KDM2A: variants seen among roughly 807,000 people sequenced by gnomAD.
The protein encoded by KDM2A is lysine demethylase 2A.
KDM2A carries 3 observed loss-of-function variants against 137.3 expected under a neutral mutation model. That is an observed-to-expected ratio of 0.02 (90% CI 0.01 to 0.06). The LOEUF (loss-of-function observed/expected upper bound fraction) is 0.06. KDM2A is among the 10% of genes least tolerant of loss of function. The pLI, the probability that KDM2A is intolerant of heterozygous loss-of-function variation, is 1.00. For synonymous variants in KDM2A, 512 were observed against 541.5 expected, an observed-to-expected ratio of 0.95 and a Z score of 0.76; for missense variants, 738 against 1,510.6, an observed-to-expected ratio of 0.49 and a Z score of 8.48.
chr11:67,257,238 A>ATGTT lies in KDM2A; in HGVS notation c.*2189_*2192dup, dbSNP rs1859642468. 1.3e-5 allele frequency: 2 copies of ATGTT among 152,300 alleles called. No individual in the cohort carries two copies. The highest frequency in any genetic ancestry group is 4.8e-5 in the African/African-American group (2 of 41,368). 9.4% of individuals were successfully genotyped at this position (152,300 alleles called of 1,614,324 possible). A position where few individuals can be genotyped will look rare whatever the true frequency, so the allele number is the denominator to read the frequency against. ...TGGTTTCTTTTGGGTTTTGGTTTTTATGTTTGTTTTTTGGGGTTTGGAAAA... is the reference window on the plus strand; with the variant it reads ...TGGTTTCTTTTGGGTTTTGGTTTTTATGTTTGTTTGTTTTTTGGGGTTTGGAAAA... On this transcript the variant is annotated 3_prime_UTR_variant, in exon 21 of 21. Transcript: ENST00000529006.
At chr11:67,231,280 A>G (rs1049286181) in intron 11 of KDM2A, among the ~76,000 whole-genome samples, 1 of 152,160 alleles carries the variant, frequency 6.6e-6, no homozygotes, top group Non-Finnish European at 1.5e-5. Flanking sequence ...CCACTTTGAT[A>G]AGTAACTGAT....
chr11:67,207,770 A>T (rs1857852438), intron 6 of KDM2A, 82 bp downstream of exon 6: 1 of 1,189,510 alleles, frequency 8.4e-7, no homozygotes, highest in East Asian at 2.7e-5. Context: ...GATGCTTGTT[A>T]TCCCAGCACT....
Position 67,254,911 on chromosome 11 carries a change from A to G in KDM2A, c.3345A>G (p.Leu1115=), listed in dbSNP as rs763884921. 8 of 1,614,008 alleles carry G rather than the reference A, an allele frequency of 5.0e-6. No homozygotes were observed. The highest frequency in any genetic ancestry group is 1.6e-4 in the Middle Eastern group (1 of 6,062). ...TGACAGACCAGACCCTGATCTACCT[A>G]CGGCGCATTGCCAACGTCACCTTGA... The part of the protein sequence containing the change: ...NKLTDQTLIY[L]RRIANVTLID... The change falls in exon 21 of 21, where the codon CTA becomes CTG. Residue 1115 remains leucine (L), a synonymous_variant. Transcript: ENST00000529006. The surrounding 1 kb of genome is among the most constrained non-coding windows in gnomAD (Gnocchi z 4.7).
chr11:67,228,108 C>T lies in KDM2A; in HGVS notation c.1029C>T (p.Cys343=). The change falls in exon 11 of 21, where the codon TGC becomes TGT. Residue 343 remains cysteine (C), a synonymous_variant. Coordinates refer to ENST00000529006, the MANE Select transcript of KDM2A (RefSeq NM_012308.3). The stretch of plus-strand genomic sequence containing the variant: ...ATGTGTTGGAGCGCTATGTGTACTG[C>T]ATAACCAACCGTTCCCACCTAACTA... ...CWYVLERYVY[C]ITNRSHLTKE... The T allele has an allele frequency of 6.2e-7, 1 of 1,613,166 alleles. No homozygotes were observed. The highest frequency in any genetic ancestry group is 8.5e-7 in the Non-Finnish European group (1 of 1,179,172).
At chr11:67,215,590 A>G (rs1858136274) in intron 7 of KDM2A, 144 bp downstream of exon 7, 2 of 651,318 alleles carry the variant, frequency 3.1e-6, no homozygotes, top group Non-Finnish European at 2.7e-6. Flanking sequence ...TTACAGTTCC[A>G]CAAGGAAGAG....
chr11:67,130,498 T>C (rs1855828919), intron 2 of KDM2A, among the ~76,000 whole-genome samples: 1 of 152,228 alleles, frequency 6.6e-6, no homozygotes, highest in African/African-American at 2.4e-5. Context: ...TTTGCTGACC[T>C]TTAGACAGCC....
intron 5 of KDM2A, chr11:67,195,818 T>C (rs1037959181): frequency 5.0e-6 from 1 of 199,964 alleles, no homozygotes; most frequent in African/African-American, 2.4e-5. Context: ...TTGTTAATAT[T>C]GCCTGTGTAT....
At chr11:67,217,704 A>G (rs1162574493) in intron 8 of KDM2A, 27 bp from the exon 9 acceptor site, 1 of 1,611,354 alleles carries the variant, frequency 6.2e-7, no homozygotes, top group Admixed American at 1.7e-5. Flanking sequence ...AATGGCTGTT[A>G]ACAGACTAAA....
At chr11:67,166,255 G>C (rs919262670) in intron 2 of KDM2A, among the ~76,000 whole-genome samples, 1 of 150,418 alleles carries the variant, frequency 6.6e-6, no homozygotes, top group Non-Finnish European at 1.5e-5. Flanking sequence ...TGTGATCTCG[G>C]CTCACTGTAA....
At chr11:67,246,769 T>C (rs896519588) in intron 15 of KDM2A, among the ~76,000 whole-genome samples, 1 of 151,864 alleles carries the variant, frequency 6.6e-6, no homozygotes, top group East Asian at 1.9e-4. Flanking sequence ...AATAAGACAC[T>C]GTCATTCATG....
At position 67,193,641 on chromosome 11, in the gene KDM2A, A is replaced by G. The variant is rs1459016655; in HGVS notation, c.307+11749A>G. On this transcript the variant is annotated intron_variant, in intron 5 of 20. Transcript: ENST00000529006. ...TTTGGGAGGCTGAGGCAGACAGATCACCTGAGGTCGGGAGTTCGAGACCAG... is the reference window on the plus strand; with the variant it reads ...TTTGGGAGGCTGAGGCAGACAGATCGCCTGAGGTCGGGAGTTCGAGACCAG... 3.3e-5 allele frequency among the ~76,000 whole-genome samples: 5 copies of G among 151,920 alleles called. No homozygotes were observed. In the East Asian group the frequency reaches 7.7e-4, roughly 23 times the overall value.
chr11:67,138,237 A>G (rs1231151170), intron 2 of KDM2A, among the ~76,000 whole-genome samples: 1 of 152,222 alleles, frequency 6.6e-6, no homozygotes, highest in Non-Finnish European at 1.5e-5. Context: ...AATATGCTTT[A>G]TTCAGGTGCT....
At chr11:67,179,529 C>T (rs1479755317) in intron 2 of KDM2A, among the ~76,000 whole-genome samples, 1 of 152,210 alleles carries the variant, frequency 6.6e-6, no homozygotes, top group African/African-American at 2.4e-5. Context: ...ATCCGCCTGC[C>T]TCTGCTTCCC....
intron 6 of KDM2A, among the ~76,000 whole-genome samples, chr11:67,208,353 G>A (rs1227375576): frequency 2.0e-5 from 3 of 151,764 alleles, no homozygotes; most frequent in East Asian, 1.9e-4. Context: ...GATTACAGGC[G>A]TGAGCCACCG....
chr11:67,227,104 T>A (rs765286331), intron 10 of KDM2A, among the ~76,000 whole-genome samples: 30 of 152,198 alleles, frequency 2.0e-4, no homozygotes, highest in Admixed American at 3.9e-4. Context: ...GAAATAATAA[T>A]GAAAATGCTC....
Position 67,156,957 on chromosome 11 carries a change from TGTG to T in KDM2A, c.43-23119_43-23117del, listed in dbSNP as rs578160660. On this transcript the variant is annotated intron_variant, in intron 2 of 20. Coordinates refer to ENST00000529006, the MANE Select transcript of KDM2A (RefSeq NM_012308.3). Reference sequence around the variant, plus strand: ...ACTCGTGCTCATTCATTTAACATGTTGTGGTAGAGGCTGTATGGCCCACAAAAT... The same window carrying T: ...ACTCGTGCTCATTCATTTAACATGTTGTAGAGGCTGTATGGCCCACAAAAT... Among the ~76,000 whole-genome samples the T allele has an allele frequency of 2.4e-4, 36 of 152,066 alleles. No homozygotes were observed. In the South Asian group the frequency reaches 7.5e-3, roughly 32 times the overall value.
chr11:67,206,939 T>C (rs574076974), intron 5 of KDM2A, among the ~76,000 whole-genome samples: 12 of 152,372 alleles, frequency 7.9e-5, no homozygotes, highest in East Asian at 3.9e-4. Context: ...AAGGGGACTT[T>C]GTTCTTCATG....
At position 67,195,138 on chromosome 11, in the gene KDM2A, G is replaced by A. The variant is rs961016133; in HGVS notation, c.308-12372G>A. On this transcript the variant is annotated intron_variant, in intron 5 of 20. Transcript: ENST00000529006. ...ATTGAGAATAGTGGTATTGATGGAA[G>A]ACTGTCAAGCCCATCCAGTTCTCTA... Among the ~76,000 whole-genome samples the A allele has an allele frequency of 4.3e-4, 66 of 152,198 alleles. 1 individual carries two copies. Among genetic ancestry groups the A allele is most frequent in the African/African-American group, 1.6e-3 (65 of 41,524 alleles).
At chr11:67,157,659 C>T (rs1306461783) in intron 2 of KDM2A, among the ~76,000 whole-genome samples, 2 of 150,096 alleles carry the variant, frequency 1.3e-5, no homozygotes, top group African/African-American at 2.5e-5. Context: ...GCACAAGGAT[C>T]GCTGGAACTG....
Sources: gnomAD v4.1 joint callset for allele counts (sites outside exome capture counted in the v4.1 genomes callset) on GRCh38, gnomAD v4.1.1 for gene constraint, Gnocchi (gnomAD v3.1) non-coding constraint, MANE v1.5 for transcripts, NCBI Gene and HGNC (gene_info 2026-07-23, HGNC 2026-07-21) for gene names.